PINX1: variants seen among roughly 807,000 people sequenced by gnomAD.
PINX1 encodes PIN2/TERF1-interacting telomerase inhibitor 1.
PINX1 carries 34 observed loss-of-function variants against 25.4 expected under a neutral mutation model. The observed-to-expected ratio is 1.34, with a 90% CI of 1.02 to 1.78. The LOEUF is 1.78. PINX1 is among the 40% of genes most tolerant of loss of function. The pLI, the probability that PINX1 is intolerant of heterozygous loss-of-function variation, is 0.00. For missense variants in PINX1, 592 were observed against 404.9 expected, an observed-to-expected ratio of 1.46 and a Z score of -3.97; for synonymous variants, 197 against 147.7, an observed-to-expected ratio of 1.33 and a Z score of -2.42.
intron 6 of PINX1, among the ~76,000 whole-genome samples, chr8:10,811,110 G>C (rs892301914): frequency 6.6e-6 from 1 of 152,238 alleles, no homozygotes; most frequent in Non-Finnish European, 1.5e-5. Context: ...TGGGCACTTC[G>C]CTAAGAGTTC....
chr8:10,790,561 T>C (rs1004982506), intron 6 of PINX1, among the ~76,000 whole-genome samples: 38 of 152,118 alleles, frequency 2.5e-4, no homozygotes, highest in African/African-American at 8.0e-4. Flanking sequence ...AACTGGTCCA[T>C]ACTGTCAGCC....
intron 4 of PINX1, among the ~76,000 whole-genome samples, chr8:10,831,378 T>C (rs1798221960): frequency 6.6e-6 from 1 of 152,190 alleles, no homozygotes; most frequent in South Asian, 2.1e-4. Flanking sequence ...TATAGCACTG[T>C]AGGGTGACTA....
intron 6 of PINX1, among the ~76,000 whole-genome samples, chr8:10,781,583 AG>A (rs1468704388): frequency 6.6e-6 from 1 of 152,370 alleles, no homozygotes; most frequent in African/African-American, 2.4e-5. Flanking sequence ...CATGACCAAA[AG>A]ATGCTCAACA....
At chr8:10,781,215 A>G (rs1414804563) in intron 6 of PINX1, among the ~76,000 whole-genome samples, 1 of 152,194 alleles carries the variant, frequency 6.6e-6, no homozygotes, top group Admixed American at 6.5e-5. Context: ...TGGATTAAAG[A>G]CCTAAACATA....
intron 3 of PINX1, among the ~76,000 whole-genome samples, chr8:10,832,289 A>C (rs368528240): frequency 1.3e-5 from 2 of 152,220 alleles, no homozygotes; most frequent in East Asian, 3.8e-4. Flanking sequence ...TTATTATAAA[A>C]AAATGAACCT....
intron 6 of PINX1, among the ~76,000 whole-genome samples, chr8:10,811,640 C>T (rs769233236): frequency 1.3e-5 from 2 of 152,142 alleles, no homozygotes; most frequent in African/African-American, 4.8e-5. Flanking sequence ...GCTAGCAAAG[C>T]GGGGAGCTGG....
intron 6 of PINX1, among the ~76,000 whole-genome samples, chr8:10,791,668 C>A (rs1250796449): frequency 6.6e-6 from 1 of 152,288 alleles, no homozygotes; most frequent in South Asian, 2.1e-4. Context: ...GAGCTCCAGC[C>A]CCCATCTTTG....
At chr8:10,821,210 T>G (rs1372664747) in intron 5 of PINX1, among the ~76,000 whole-genome samples, 1 of 152,256 alleles carries the variant, frequency 6.6e-6, no homozygotes, top group Non-Finnish European at 1.5e-5. Context: ...TCACTTGTCT[T>G]CTTGGTTTCC....
chr8:10,783,554 C>T lies in PINX1; in HGVS notation c.472-17638G>A, dbSNP rs183500682. The stretch of plus-strand genomic sequence containing the variant: ...CTTGATCTCTGCAAGCTGAATCCAG[C>T]GCTGCATCACATATGCCCCCAGTCC... On this transcript the variant is annotated intron_variant, in intron 6 of 6. Transcript: ENST00000314787. Among the ~76,000 whole-genome samples, 112 of 152,298 alleles carry T rather than the reference C, an allele frequency of 7.4e-4. 1 individual carries two copies. In the South Asian group the frequency reaches 8.1e-3, roughly 11 times the overall value.
intron 6 of PINX1, among the ~76,000 whole-genome samples, chr8:10,782,580 A>G (rs1261043902): frequency 6.6e-6 from 1 of 152,010 alleles, no homozygotes; most frequent in Non-Finnish European, 1.5e-5. Flanking sequence ...TACTAAAAAT[A>G]CAAAAATTAG....
At chr8:10,838,686 A>C (rs1798479509) in intron 1 of PINX1, among the ~76,000 whole-genome samples, 1 of 152,246 alleles carries the variant, frequency 6.6e-6, no homozygotes, top group Admixed American at 6.5e-5. Flanking sequence ...TACTGGTGAA[A>C]AAATAGAACC....
At chr8:10,831,148 T>C (rs997129293) in intron 4 of PINX1, among the ~76,000 whole-genome samples, 1 of 152,194 alleles carries the variant, frequency 6.6e-6, no homozygotes, top group African/African-American at 2.4e-5. Flanking sequence ...TGAGGCAACA[T>C]GGTTGAGTTT....
Position 10,765,586 on chromosome 8 carries a change from G to C in PINX1, c.802C>G (p.Gln268Glu). The C allele has an allele frequency of 6.2e-7, 1 of 1,613,668 alleles. No individual in the cohort carries two copies. The highest frequency in any genetic ancestry group is 8.5e-7 in the Non-Finnish European group (1 of 1,179,858). ...TCCTGAGCAGAGGCCTTGGAACTCT[G>C]GTCCCAGCAGGGGCCTCTGAGCTGC... The part of the protein sequence containing the change: ...EEQLRGPCWD[Q>E]SSKASAQDAG... The change falls in exon 7 of 7, where the codon CAG becomes GAG. Residue 268 changes from glutamine to glutamate, a missense_variant. Gln to Glu is a conservative substitution (Grantham distance 29, BLOSUM62 2). Coordinates refer to ENST00000314787, the MANE Select transcript of PINX1 (RefSeq NM_017884.6).
At chr8:10,803,612 T>G (rs1802340251) in intron 6 of PINX1, among the ~76,000 whole-genome samples, 1 of 152,220 alleles carries the variant, frequency 6.6e-6, no homozygotes, top group South Asian at 2.1e-4. Flanking sequence ...AACTTATATT[T>G]TCTGTGAATG....
In PINX1 at chr8:10,795,158, G is replaced by C. The variant is rs529055426; in HGVS notation, c.471+25035C>G. Among the ~76,000 whole-genome samples, 30 of 152,298 alleles carry C rather than the reference G, an allele frequency of 2.0e-4. 1 individual carries two copies. In the South Asian group the frequency reaches 6.2e-3, roughly 32 times the overall value. The stretch of plus-strand genomic sequence containing the variant: ...CATTCAAAAAACAAATCACTTGGTT[G>C]GGTGAAAATCCTAATATCGAAGTAA... On this transcript the variant is annotated intron_variant, in intron 6 of 6. Coordinates refer to ENST00000314787, the MANE Select transcript of PINX1 (RefSeq NM_017884.6).
At chr8:10,839,033 T>C (rs1798489038) in intron 1 of PINX1, among the ~76,000 whole-genome samples, 1 of 152,174 alleles carries the variant, frequency 6.6e-6, no homozygotes, top group Admixed American at 6.5e-5. Flanking sequence ...GACCCGCTTT[T>C]CAGGATCAAA....
rs35716466 is a variant in PINX1, at chr8:10,767,815, G to A, written c.472-1899C>T. ...CACCCTCACAGCCACACAGAGACAGGCTCGGTGACCAGGCACCCTCACAGC... is the reference window on the plus strand; with the variant it reads ...CACCCTCACAGCCACACAGAGACAGACTCGGTGACCAGGCACCCTCACAGC... On this transcript the variant is annotated intron_variant, in intron 6 of 6. Coordinates refer to ENST00000314787, the MANE Select transcript of PINX1 (RefSeq NM_017884.6). 9.1e-3 allele frequency among the ~76,000 whole-genome samples: 699 copies of A among 76,402 alleles called. 2 individuals carry two copies. The highest frequency in any genetic ancestry group is 0.023 in the South Asian group (36 of 1,590). 50.1% of individuals were successfully genotyped at this position (76,402 alleles called of 152,430 possible). A position where few individuals can be genotyped will look rare whatever the true frequency, so the allele number is the denominator to read the frequency against.
chr8:10,799,775 G>C (rs112787343), intron 6 of PINX1, among the ~76,000 whole-genome samples: 16 of 152,170 alleles, frequency 1.1e-4, no homozygotes, highest in Non-Finnish European at 2.4e-4. Context: ...GATCAAGGGA[G>C]GACAATGTCC....
At chr8:10,770,922 C>T (rs1005913046) in intron 6 of PINX1, among the ~76,000 whole-genome samples, 5 of 152,172 alleles carry the variant, frequency 3.3e-5, no homozygotes, top group Non-Finnish European at 7.3e-5. Flanking sequence ...AACAGTAATC[C>T]TTCAATGAAC....
Sources: allele counts gnomAD v4.1 joint callset (sites outside exome capture counted in the v4.1 genomes callset), GRCh38; gene constraint gnomAD v4.1.1; transcripts MANE v1.5; gene names NCBI Gene and HGNC (gene_info 2026-07-23, HGNC 2026-07-21).